Variants in CHLSN observed in about 807,000 individuals in gnomAD.
The protein encoded by CHLSN is cholesin.
chr7:1,001,106 G>A, the CHLSN span, among the ~76,000 whole-genome samples: 3,445 of 152,256 alleles, frequency 0.023, 132 homozygotes, highest in East Asian at 0.2. Context: ...AGGCAGCTGC[G>A]GATGGAGCGA....
At chr7:1,002,397 G>T in the CHLSN span, among the ~76,000 whole-genome samples, 1 of 132,378 alleles carries the variant, frequency 7.6e-6, no homozygotes, top group Non-Finnish European at 1.6e-5. Context: ...TCCTGTGGGT[G>T]AGTGGAGTCC....
chr7:1,016,665 A>ACAGCAGCACACGCCAGCGCACAG, the CHLSN span, among the ~76,000 whole-genome samples: 1 of 117,800 alleles, frequency 8.5e-6, no homozygotes, highest in Non-Finnish European at 1.8e-5. Context: ...ACAGCAGCGC[A>ACAGCAGCACACGCCAGCGCACAG]CAGCAGCACA....
the CHLSN span, among the ~76,000 whole-genome samples, chr7:1,031,131 G>A: frequency 6.6e-6 from 1 of 152,248 alleles, no homozygotes; most frequent in African/African-American, 2.4e-5. Context: ...CAAGAGGAAA[G>A]GAAGGGCCCC....
the CHLSN span, among the ~76,000 whole-genome samples, chr7:995,043 G>A: frequency 6.6e-6 from 1 of 152,262 alleles, no homozygotes; most frequent in Non-Finnish European, 1.5e-5. Flanking sequence ...GCTAAGGCGG[G>A]GCTTCCTTAG....
the CHLSN span, among the ~76,000 whole-genome samples, chr7:1,008,660 G>A: frequency 2.0e-5 from 3 of 152,268 alleles, no homozygotes; most frequent in East Asian, 5.8e-4. Context: ...TGAGCCCGGC[G>A]CTGAGCCTGG....
At chr7:1,136,223 T>C in the CHLSN span, among the ~76,000 whole-genome samples, 1 of 113,996 alleles carries the variant, frequency 8.8e-6, no homozygotes, top group Non-Finnish European at 1.6e-5. Flanking sequence ...TATATAAACA[T>C]ATATAAATAT....
chr7:1,096,109 C>T, the CHLSN span, among the ~76,000 whole-genome samples: 5 of 152,236 alleles, frequency 3.3e-5, no homozygotes, highest in South Asian at 2.1e-4. The surrounding 1 kb of genome is among the most constrained non-coding windows in gnomAD (Gnocchi z 4.6). Context: ...CTGCCACAGA[C>T]GCGGCTTCCA....
At chr7:1,070,959 GAC>G in the CHLSN span, among the ~76,000 whole-genome samples, 68 of 143,254 alleles carry the variant, frequency 4.7e-4, 1 homozygote, top group Admixed American at 8.3e-4. Flanking sequence ...ACACAGCACA[GAC>G]ACGCACACGG....
the CHLSN span, chr7:1,091,613 C>T: frequency 1.1e-6 from 1 of 872,072 alleles, no homozygotes; most frequent in East Asian, 2.5e-5. Flanking sequence ...TCCTGTCTGA[C>T]AAATGCCAGG....
chr7:1,104,011 G>A, the CHLSN span, among the ~76,000 whole-genome samples: 21 of 152,222 alleles, frequency 1.4e-4, no homozygotes, highest in Non-Finnish European at 2.4e-4. Flanking sequence ...TTGGGATCTC[G>A]GTGCCACCTA....
At chr7:1,008,850 C>CGTAAACACAA in the CHLSN span, among the ~76,000 whole-genome samples, 1 of 149,060 alleles carries the variant, frequency 6.7e-6, no homozygotes, top group Non-Finnish European at 1.5e-5. Context: ...CACGCACACA[C>CGTAAACACAA]GTAAACACAC....
At chr7:1,040,182 TTAAAAAAAAA>T in the CHLSN span, among the ~76,000 whole-genome samples, 1 of 96,104 alleles carries the variant, frequency 1.0e-5, no homozygotes, top group African/African-American at 4.0e-5. Context: ...AAAAATAAAT[TTAAAAAAAAA>T]AAAAAAAAAA....
At chr7:1,081,461 G>C in the CHLSN span, among the ~76,000 whole-genome samples, 1 of 152,368 alleles carries the variant, frequency 6.6e-6, no homozygotes, top group Non-Finnish European at 1.5e-5. Flanking sequence ...GTACAAACAC[G>C]GCGGGCTCGA....
At chr7:1,104,909 A>G in the CHLSN span, among the ~76,000 whole-genome samples, 35 of 152,360 alleles carry the variant, frequency 2.3e-4, no homozygotes, top group East Asian at 5.2e-3. Context: ...AGTGAATGTT[A>G]TAATGAAATA....
At chr7:1,112,705 T>TAAAA in the CHLSN span, among the ~76,000 whole-genome samples, 1 of 99,128 alleles carries the variant, frequency 1.0e-5, no homozygotes. Context: ...TCCAAATGGC[T>TAAAA]AAAAAAAAAA....
At chr7:1,010,487 C>T in the CHLSN span, among the ~76,000 whole-genome samples, 5 of 152,318 alleles carry the variant, frequency 3.3e-5, no homozygotes, top group South Asian at 2.1e-4. Context: ...AGATCCGGGC[C>T]GGCCCCCAGG....
chr7:1,015,204 G>C, the CHLSN span, among the ~76,000 whole-genome samples: 11 of 152,182 alleles, frequency 7.2e-5, no homozygotes, highest in African/African-American at 2.6e-4. Context: ...TGTTTGGGGG[G>C]GCTGAGGGGT....
the CHLSN span, chr7:987,289 G>A: frequency 6.0e-6 from 9 of 1,508,274 alleles, no homozygotes; most frequent in East Asian, 2.5e-5. Flanking sequence ...CTGCCCCCGG[G>A]GGACCCCCAG....
chr7:1,004,054 G>T, the CHLSN span, among the ~76,000 whole-genome samples: 13 of 152,106 alleles, frequency 8.5e-5, no homozygotes, highest in African/African-American at 2.9e-4. Context: ...GAGCCCAGCT[G>T]TGCAGCTGCT....
Sources: gnomAD v4.1 joint callset for allele counts (sites outside exome capture counted in the v4.1 genomes callset) on GRCh38, gnomAD v4.1.1 for gene constraint, Gnocchi (gnomAD v3.1) non-coding constraint, MANE v1.5 for transcripts, NCBI Gene and HGNC (gene_info 2026-07-23, HGNC 2026-07-21) for gene names.